Variants in RAB12 observed in about 807,000 individuals in gnomAD.
RAB12 encodes ras-related protein Rab-12.
RAB12 carries 11 observed loss-of-function variants against 28.4 expected under a neutral mutation model. That is an observed-to-expected ratio of 0.39 (90% CI 0.24 to 0.64). The LOEUF is 0.64. Ranked by LOEUF, RAB12 falls within the 30% of genes least tolerant of loss-of-function variation. The pLI, the probability that RAB12 is intolerant of heterozygous loss-of-function variation, is 0.50. For missense variants in RAB12, 276 were observed against 351.1 expected (o/e 0.79, Z 1.71); for synonymous variants, 138 against 145.3 (o/e 0.95, Z 0.36).
chr18:8,610,903 A>G (rs2096003421), intron 1 of RAB12, among the ~76,000 whole-genome samples: 1 of 152,204 alleles, frequency 6.6e-6, no homozygotes, highest in Non-Finnish European at 1.5e-5. Flanking sequence ...AATTTCATGT[A>G]ATTCTATTTA....
intron 1 of RAB12, among the ~76,000 whole-genome samples, chr18:8,610,896 T>G (rs2096003416): frequency 6.6e-6 from 1 of 152,152 alleles, no homozygotes. Flanking sequence ...AAAGCATAAT[T>G]TCATGTAATT....
At position 8,620,794 on chromosome 18, in the gene RAB12, T is replaced by C. The variant is rs984272314; in HGVS notation, c.515-4144T>C. Among the ~76,000 whole-genome samples, 8 of 152,020 alleles carry C rather than the reference T, an allele frequency of 5.3e-5. 1 individual carries two copies. The highest frequency in any genetic ancestry group is 2.1e-4 in the South Asian group (1 of 4,812). On this transcript the variant is annotated intron_variant, in intron 1 of 5. Transcript: ENST00000649141. ...GGGGAGGCCAGCAAAGAAGGAACGA[T>C]GTGATATGGGCTAGAAGAGAGTTCA...
intron 1 of RAB12, among the ~76,000 whole-genome samples, chr18:8,616,856 G>A (rs1372220427): frequency 2.0e-5 from 3 of 152,292 alleles, no homozygotes; most frequent in African/African-American, 7.2e-5. Context: ...TTGAGCCAGG[G>A]AGATCTAGGC....
intron 1 of RAB12, among the ~76,000 whole-genome samples, chr18:8,614,033 T>G (rs11081398): frequency 0.17 from 25,151 of 152,166 alleles, 2,355 homozygotes; most frequent in South Asian, 0.22. Context: ...GGGCTGCAAG[T>G]GAATTCTTTT....
At chr18:8,623,173 C>T (rs931182150) in intron 1 of RAB12, among the ~76,000 whole-genome samples, 6 of 152,070 alleles carry the variant, frequency 3.9e-5, no homozygotes, top group African/African-American at 1.5e-4. Context: ...CATAGGAAAT[C>T]ACAAGGGTAT....
chr18:8,616,652 C>T (rs939462087), intron 1 of RAB12, among the ~76,000 whole-genome samples: 3 of 151,648 alleles, frequency 2.0e-5, no homozygotes, highest in South Asian at 2.1e-4. Flanking sequence ...ACACACTTGT[C>T]GATTGGCTAA....
intron 2 of RAB12, among the ~76,000 whole-genome samples, chr18:8,632,014 G>A (rs1598313375): frequency 6.6e-6 from 1 of 152,326 alleles, no homozygotes; most frequent in Non-Finnish European, 1.5e-5. Flanking sequence ...TGGGCTGGTA[G>A]CTTACACCTG....
intron 2 of RAB12, among the ~76,000 whole-genome samples, chr18:8,628,132 C>A (rs780378912): frequency 6.6e-6 from 1 of 152,098 alleles, no homozygotes; most frequent in Non-Finnish European, 1.5e-5. Context: ...ACAGTGAAAA[C>A]TCAAGTTTAT....
At chr18:8,636,738 G>A (rs763149078) in intron 5 of RAB12, among the ~76,000 whole-genome samples, 23 of 152,184 alleles carry the variant, frequency 1.5e-4, no homozygotes, top group Non-Finnish European at 2.8e-4. Flanking sequence ...AGAGAGCCCC[G>A]TGGTGCTGCG....
At chr18:8,611,902 T>C (rs988188916) in intron 1 of RAB12, among the ~76,000 whole-genome samples, 3 of 152,216 alleles carry the variant, frequency 2.0e-5, no homozygotes, top group Non-Finnish European at 4.4e-5. Flanking sequence ...ACTGGAGTAC[T>C]TTAGTACTCA....
At position 8,628,446 on chromosome 18, in the gene RAB12, G is replaced by A. The variant is rs916346501; in HGVS notation, c.575+3448G>A. Among the ~76,000 whole-genome samples the A allele has an allele frequency of 3.9e-5, 6 of 152,118 alleles. No individual in the cohort carries two copies. The East Asian group carries it at 5.8e-4, about 15-fold the overall frequency. On this transcript the variant is annotated intron_variant, in intron 2 of 5. Coordinates refer to ENST00000649141, the MANE Select transcript of RAB12 (RefSeq NM_001025300.3). Reference sequence around the variant, plus strand: ...CCAAATATTTTGGGAGTGTGGAATCGTCTCTCAAAGAAACATGCTTTTCTA... The same window carrying A: ...CCAAATATTTTGGGAGTGTGGAATCATCTCTCAAAGAAACATGCTTTTCTA...
At chr18:8,637,833 A>G (rs966314442) in intron 5 of RAB12, among the ~76,000 whole-genome samples, 3 of 152,242 alleles carry the variant, frequency 2.0e-5, no homozygotes, top group African/African-American at 7.2e-5. Flanking sequence ...TGTTATTAAG[A>G]AAATCATAAG....
At chr18:8,631,603 TC>T (rs1318633733) in intron 2 of RAB12, among the ~76,000 whole-genome samples, 5 of 152,222 alleles carry the variant, frequency 3.3e-5, no homozygotes, top group Non-Finnish European at 5.9e-5. Flanking sequence ...TCTTCACTGT[TC>T]CTCGGGCTCC....
rs1243788878 is a variant in RAB12 at position 8,636,786 on chromosome 18, A to G, written c.909+429A>G. ...CCTGTTCTGCTCCCTGGTGGGAGCC[A>G]CTTCCTTACAGAGACCTTTCCATGA... On this transcript the variant is annotated intron_variant, in intron 5 of 5. Transcript: ENST00000649141. 1.3e-5 allele frequency among the ~76,000 whole-genome samples: 2 copies of G among 152,216 alleles called. 1 individual carries two copies. The highest frequency in any genetic ancestry group is 1.3e-4 in the Admixed American group (2 of 15,284).
chr18:8,616,187 AC>A (rs2148706499), intron 1 of RAB12, among the ~76,000 whole-genome samples: 1 of 152,222 alleles, frequency 6.6e-6, no homozygotes, highest in East Asian at 1.9e-4. Context: ...CACCTGGTTT[AC>A]CCTTTTCAGA....
chr18:8,623,351 GT>G (rs1555616426), intron 1 of RAB12, among the ~76,000 whole-genome samples: 1 of 152,184 alleles, frequency 6.6e-6, no homozygotes, highest in Non-Finnish European at 1.5e-5. Flanking sequence ...TGGTCCCTCC[GT>G]TTGGGGTCCC....
intron 3 of RAB12, chr18:8,635,245 T>G (rs1367161457): frequency 4.8e-6 from 1 of 206,806 alleles, no homozygotes; most frequent in Non-Finnish European, 9.6e-6. Flanking sequence ...GTGTAGAGCT[T>G]TGCCTGTATG....
intron 2 of RAB12, among the ~76,000 whole-genome samples, chr18:8,632,419 C>T (rs796979499): frequency 2.3e-4 from 35 of 152,246 alleles, no homozygotes; most frequent in African/African-American, 7.0e-4. Context: ...TTCCAGTGGC[C>T]GGACCCAGAC....
At chr18:8,634,620 T>A (rs1433779663) in intron 3 of RAB12, among the ~76,000 whole-genome samples, 1 of 152,210 alleles carries the variant, frequency 6.6e-6, no homozygotes, top group African/African-American at 2.4e-5. Context: ...GGTCTGATGC[T>A]GTCTTCCTTT....
Sources: gnomAD v4.1 joint callset for allele counts (sites outside exome capture counted in the v4.1 genomes callset) on GRCh38, gnomAD v4.1.1 for gene constraint, MANE v1.5 for transcripts, NCBI Gene and HGNC (gene_info 2026-07-23, HGNC 2026-07-21) for gene names.